PRTFDC1: variants seen among roughly 807,000 people sequenced by gnomAD.
PRTFDC1 encodes the protein phosphoribosyl transferase domain containing 1.
PRTFDC1 carries 38 observed loss-of-function variants against 34.6 expected under a neutral mutation model. That is an observed-to-expected ratio of 1.10 (90% CI 0.85 to 1.44). The LOEUF is 1.44. Ranked by LOEUF, PRTFDC1 falls within the 40% of genes most tolerant of loss-of-function variation. The pLI is 0.00. For missense variants in PRTFDC1, 270 were observed against 283.0 expected (o/e 0.95, Z 0.33); for synonymous variants, 93 against 98.1 (o/e 0.95, Z 0.31).
At chr10:24,889,162 A>C (rs1002581992) in intron 3 of PRTFDC1, among the ~76,000 whole-genome samples, 1 of 152,100 alleles carries the variant, frequency 6.6e-6, no homozygotes, top group African/African-American at 2.4e-5. Flanking sequence ...AAGAGACCCC[A>C]AAGAGCTTGC....
At chr10:24,861,698 A>G (rs1023401456) in intron 4 of PRTFDC1, among the ~76,000 whole-genome samples, 4 of 152,084 alleles carry the variant, frequency 2.6e-5, no homozygotes, top group Non-Finnish European at 5.9e-5. Context: ...AGACTTAGTC[A>G]TGTTTCACAT....
chr10:24,951,528 G>C (rs1254994602), intron 1 of PRTFDC1: 2 of 981,970 alleles, frequency 2.0e-6, no homozygotes, highest in Non-Finnish European at 2.4e-6. Flanking sequence ...AATGTGACAC[G>C]TTTCCCTCCC....
At chr10:24,940,827 T>C (rs1480464893) in intron 2 of PRTFDC1, among the ~76,000 whole-genome samples, 3 of 152,224 alleles carry the variant, frequency 2.0e-5, no homozygotes, top group African/African-American at 7.2e-5. Context: ...ATTGTACGAT[T>C]TTCTTACGCA....
intron 1 of PRTFDC1, 30 bp from the exon 2 acceptor site, chr10:24,942,466 T>C (rs775426626): frequency 6.5e-7 from 1 of 1,543,366 alleles, no homozygotes; most frequent in Non-Finnish European, 9.0e-7. Flanking sequence ...GGTTATGGTA[T>C]TTTTTCATCA....
At chr10:24,877,944 A>T (rs927044890) in intron 3 of PRTFDC1, among the ~76,000 whole-genome samples, 8 of 152,006 alleles carry the variant, frequency 5.3e-5, no homozygotes, top group Non-Finnish European at 1.0e-4. Flanking sequence ...TTTGATCTCC[A>T]ATTTGCAAAT....
intron 7 of PRTFDC1, 144 bp from the exon 8 acceptor site, chr10:24,851,608 CGATG>C: frequency 7.4e-7 from 1 of 1,346,300 alleles, no homozygotes; most frequent in Non-Finnish European, 9.9e-7. Flanking sequence ...GAAATGCACA[CGATG>C]AGCCCAAGAG....
intron 1 of PRTFDC1, among the ~76,000 whole-genome samples, chr10:24,946,305 C>T (rs1383866991): frequency 6.6e-6 from 1 of 151,984 alleles, no homozygotes; most frequent in Admixed American, 6.6e-5. Flanking sequence ...ACAGTAAAAC[C>T]TATGGATAGG....
At chr10:24,875,596 C>A (rs951851670) in intron 3 of PRTFDC1, among the ~76,000 whole-genome samples, 2 of 151,948 alleles carry the variant, frequency 1.3e-5, no homozygotes, top group Non-Finnish European at 2.9e-5. Flanking sequence ...GCCCTTAATT[C>A]ATCTGGAATT....
chr10:24,860,843 C>T (rs769347098), intron 4 of PRTFDC1, among the ~76,000 whole-genome samples: 3 of 152,110 alleles, frequency 2.0e-5, no homozygotes, highest in Non-Finnish European at 2.9e-5. Flanking sequence ...GTTTGATTGA[C>T]GCTTACCAAT....
chr10:24,884,795 C>A (rs879814363), intron 3 of PRTFDC1, among the ~76,000 whole-genome samples: 3 of 152,124 alleles, frequency 2.0e-5, no homozygotes, highest in Non-Finnish European at 4.4e-5. Flanking sequence ...CCTAAATCAA[C>A]CAGGGTAGGG....
chr10:24,888,851 G>T (rs984916726), intron 3 of PRTFDC1, among the ~76,000 whole-genome samples: 1 of 152,076 alleles, frequency 6.6e-6, no homozygotes, highest in Non-Finnish European at 1.5e-5. Context: ...AGCAGGCAAT[G>T]GTTTCCAGAT....
intron 4 of PRTFDC1, among the ~76,000 whole-genome samples, chr10:24,862,595 G>A (rs1434894101): frequency 1.3e-5 from 2 of 151,984 alleles, no homozygotes; most frequent in Non-Finnish European, 2.9e-5. Flanking sequence ...GGCTGGTCTT[G>A]AATTTCTGAC....
chr10:24,945,802 A>T (rs1288094405), intron 1 of PRTFDC1, among the ~76,000 whole-genome samples: 1 of 152,078 alleles, frequency 6.6e-6, no homozygotes, highest in African/African-American at 2.4e-5. Flanking sequence ...CTCTCCCTCT[A>T]CCATCAAACT....
At chr10:24,918,866 C>T (rs369710160) in intron 3 of PRTFDC1, among the ~76,000 whole-genome samples, 60 of 152,164 alleles carry the variant, frequency 3.9e-4, no homozygotes, top group African/African-American at 1.2e-3. Flanking sequence ...CCAAAGTGAA[C>T]GGTGGTAATG....
At chr10:24,910,348 A>G (rs1848608026) in intron 3 of PRTFDC1, among the ~76,000 whole-genome samples, 1 of 152,174 alleles carries the variant, frequency 6.6e-6, no homozygotes, top group Non-Finnish European at 1.5e-5. Flanking sequence ...TCTCGTTTTA[A>G]AAGCTGGCCA....
intron 3 of PRTFDC1, among the ~76,000 whole-genome samples, chr10:24,890,141 G>A (rs1201887101): frequency 1.3e-5 from 2 of 152,220 alleles, no homozygotes; most frequent in African/African-American, 2.4e-5. Context: ...ATTTGTTGGC[G>A]GAAGCCTGGA....
intron 3 of PRTFDC1, among the ~76,000 whole-genome samples, chr10:24,928,594 C>A (rs1056752891): frequency 2.0e-5 from 3 of 152,120 alleles, no homozygotes; most frequent in Non-Finnish European, 4.4e-5. Flanking sequence ...CACGTGCCCA[C>A]CACCACGCCC....
chr10:24,858,427 C>T lies in PRTFDC1; in HGVS notation c.406-18G>A. The T allele has an allele frequency of 1.2e-6, 2 of 1,612,700 alleles. No homozygotes were observed. The highest frequency in any genetic ancestry group is 1.7e-6 in the Non-Finnish European group (2 of 1,179,014). On this transcript the variant is annotated intron_variant, in intron 4 of 8. Coordinates refer to ENST00000320152, the MANE Select transcript of PRTFDC1 (RefSeq NM_020200.7). ...AGAACATTCTGAAATAAACAAAACC[C>T]ATATTTTAGAATGTGATGCCAATCT...
At chr10:24,851,956 G>C (rs541338212) in intron 7 of PRTFDC1, among the ~76,000 whole-genome samples, 2 of 152,036 alleles carry the variant, frequency 1.3e-5, no homozygotes, top group African/African-American at 4.8e-5. Context: ...TTAAAGGGCT[G>C]GAAAGCAAAA....
Sources: gnomAD v4.1 joint callset for allele counts (sites outside exome capture counted in the v4.1 genomes callset) on GRCh38, gnomAD v4.1.1 for gene constraint, MANE v1.5 for transcripts, NCBI Gene and HGNC (gene_info 2026-07-23, HGNC 2026-07-21) for gene names.